JMJD1C: variants seen among roughly 807,000 people sequenced by gnomAD.
JMJD1C encodes the protein jumonji domain containing 1C.
A neutral mutation model predicts 245.3 loss-of-function variants in JMJD1C; 31 were observed. The observed-to-expected ratio is 0.13, with a 90% CI of 0.09 to 0.17. The LOEUF is 0.17. Among genes scored for constraint, JMJD1C ranks in the 10% least tolerant of loss-of-function variants. JMJD1C has a pLI of 1.00. For missense variants in JMJD1C, 2,691 were observed against 3,000.2 expected (o/e 0.90, Z 2.41); for synonymous variants, 1,057 against 1,017.4 (o/e 1.04, Z -0.74).
chr10:63,353,872 C>T (rs1354337321), intron 2 of JMJD1C, among the ~76,000 whole-genome samples: 2 of 149,418 alleles, frequency 1.3e-5, no homozygotes, highest in Admixed American at 6.7e-5. Flanking sequence ...GATGGAGTCT[C>T]GCTTGGTAGC....
At chr10:63,508,928 T>A (rs540089918) in intron 1 of JMJD1C, among the ~76,000 whole-genome samples, 34 of 152,354 alleles carry the variant, frequency 2.2e-4, no homozygotes, top group Admixed American at 2.1e-3. Context: ...TTTATTTCCA[T>A]TTTTTGTCTT....
intron 1 of JMJD1C, among the ~76,000 whole-genome samples, chr10:63,459,471 T>C (rs145812900): frequency 6.6e-4 from 101 of 152,354 alleles, no homozygotes; most frequent in African/African-American, 2.2e-3. Flanking sequence ...TGAGGAGTTA[T>C]GGCACACTTC....
rs1182968543 is a variant in JMJD1C, at chr10:63,264,553, G to C, written c.447+98C>G. ...GGGTTTTTCACACAACTAGAAGTTA[G>C]ATGAAATGATATTTAAAGAATATTG... On this transcript the variant is annotated intron_variant, in intron 3 of 25. Coordinates refer to ENST00000399262, the MANE Select transcript of JMJD1C (RefSeq NM_032776.3). 8 of 606,322 alleles carry C rather than the reference G, an allele frequency of 1.3e-5. No homozygotes were observed. The East Asian group carries it at 2.4e-4, about 18-fold the overall frequency. The allele number at this position is 606,322 out of a possible 1,614,324, so 37.6% of individuals were successfully genotyped here.
intron 3 of JMJD1C, among the ~76,000 whole-genome samples, chr10:63,227,807 T>C (rs1392488121): frequency 6.6e-6 from 1 of 152,242 alleles, no homozygotes; most frequent in East Asian, 1.9e-4. Context: ...CATAAATTCA[T>C]GGTTTAGCAA....
At chr10:63,356,244 C>A (rs1055693622) in intron 2 of JMJD1C, among the ~76,000 whole-genome samples, 1 of 152,120 alleles carries the variant, frequency 6.6e-6, no homozygotes, top group African/African-American at 2.4e-5. Context: ...ACAAACTTTA[C>A]CTACAAACAC....
intron 8 of JMJD1C, among the ~76,000 whole-genome samples, chr10:63,210,130 A>G (rs1443422745): frequency 2.7e-5 from 4 of 145,832 alleles, no homozygotes; most frequent in Non-Finnish European, 4.4e-5. Context: ...AACCCCACAT[A>G]AGAGAAAAAT....
At chr10:63,313,562 G>T (rs961525164) in intron 2 of JMJD1C, among the ~76,000 whole-genome samples, 5 of 152,180 alleles carry the variant, frequency 3.3e-5, no homozygotes, top group African/African-American at 1.2e-4. Flanking sequence ...CCCACCAGCG[G>T]TGTAAGAATG....
chr10:63,345,957 C>T lies in JMJD1C; in HGVS notation c.333+34361G>A, dbSNP rs79151008. On this transcript the variant is annotated intron_variant, in intron 2 of 25. Coordinates refer to ENST00000399262, the MANE Select transcript of JMJD1C (RefSeq NM_032776.3). The stretch of plus-strand genomic sequence containing the variant: ...AAAGGAAACAGACCCAACTCTTAAC[C>T]GTGGTTAACTTTAAAAAAAATTAAA... Among the ~76,000 whole-genome samples the T allele has an allele frequency of 2.5e-4, 38 of 152,114 alleles. No individual in the cohort carries two copies. In the South Asian group the frequency reaches 6.2e-3, roughly 25 times the overall value.
intron 1 of JMJD1C, among the ~76,000 whole-genome samples, chr10:63,406,689 TA>T (rs1949191721): frequency 6.6e-6 from 1 of 151,708 alleles, no homozygotes; most frequent in African/African-American, 2.4e-5. Context: ...AGGAATAAAA[TA>T]AAAAAATAAA....
intron 1 of JMJD1C, among the ~76,000 whole-genome samples, chr10:63,444,769 G>A (rs937662164): frequency 5.3e-5 from 8 of 151,998 alleles, no homozygotes; most frequent in African/African-American, 1.9e-4. Context: ...GGCATTACAG[G>A]TGCCCACCAC....
chr10:63,186,729 C>T (rs886225128), intron 18 of JMJD1C, among the ~76,000 whole-genome samples: 3 of 152,078 alleles, frequency 2.0e-5, no homozygotes, highest in African/African-American at 4.8e-5. Flanking sequence ...ACGCAGAAAC[C>T]AGTAATGGAA....
In JMJD1C at chr10:63,202,824, T is replaced by C. The variant is rs1007661608; in HGVS notation, c.5075-2147A>G. 3.8e-5 allele frequency: 37 copies of C among 982,966 alleles called. 1 individual carries two copies. In the South Asian group the frequency reaches 6.6e-4, roughly 18 times the overall value. 60.9% of individuals were successfully genotyped at this position (982,966 alleles called of 1,614,324 possible). ...AGCTTTTACAAGTTGGAATGAATGA[T>C]AGAATTGTTATACTGCTGATAAATT... On this transcript the variant is annotated intron_variant, in intron 10 of 25. Transcript: ENST00000399262.
At chr10:63,445,007 G>A (rs886286347) in intron 1 of JMJD1C, among the ~76,000 whole-genome samples, 36 of 152,026 alleles carry the variant, frequency 2.4e-4, no homozygotes, top group Non-Finnish European at 4.9e-4. Context: ...TGAAAGGATC[G>A]CTTGAGGCCA....
chr10:63,267,257 A>G (rs1402573161), intron 2 of JMJD1C, among the ~76,000 whole-genome samples: 6 of 152,180 alleles, frequency 3.9e-5, no homozygotes, highest in Admixed American at 3.9e-4. Context: ...TGACTGCTCT[A>G]CTTTAAGGAA....
intron 2 of JMJD1C, among the ~76,000 whole-genome samples, chr10:63,286,552 A>G (rs945896568): frequency 9.2e-5 from 14 of 152,232 alleles, no homozygotes; most frequent in African/African-American, 3.4e-4. Flanking sequence ...CAGGAACCAC[A>G]GGACCTTTAA....
At chr10:63,307,522 A>G (rs564235213) in intron 2 of JMJD1C, among the ~76,000 whole-genome samples, 62 of 152,304 alleles carry the variant, frequency 4.1e-4, no homozygotes, top group African/African-American at 1.4e-3. Context: ...CAGAAAAAGC[A>G]ACGGCAATTT....
intron 1 of JMJD1C, among the ~76,000 whole-genome samples, chr10:63,387,019 C>A (rs969500198): frequency 6.6e-6 from 1 of 152,160 alleles, no homozygotes; most frequent in Non-Finnish European, 1.5e-5. Flanking sequence ...CATTAAGAAC[C>A]ACCCACTAAA....
intron 1 of JMJD1C, among the ~76,000 whole-genome samples, chr10:63,501,180 T>C (rs1564973709): frequency 6.6e-6 from 1 of 152,166 alleles, no homozygotes; most frequent in Non-Finnish European, 1.5e-5. Context: ...GTCCATATTA[T>C]CAGCTCATTT....
rs1033776616 is a variant in JMJD1C, at chr10:63,489,926, G to A, written n.113+31812C>T. 3.3e-5 allele frequency among the ~76,000 whole-genome samples: 5 copies of A among 152,178 alleles called. No homozygotes were observed. In the South Asian group the frequency reaches 1.0e-3, roughly 32 times the overall value. On this transcript the variant is annotated intron_variant and non_coding_transcript_variant, in intron 1 of 3. Coordinates refer to the JMJD1C transcript ENST00000633035. The stretch of plus-strand genomic sequence containing the variant: ...CAGGAGGTGAGCTGCCTGTGAGGGC[G>A]CATTATCTAGCCTGAGCTCTGCCTC...
Sources: gnomAD v4.1 joint callset for allele counts (sites outside exome capture counted in the v4.1 genomes callset) on GRCh38, gnomAD v4.1.1 for gene constraint, MANE v1.5 for transcripts, NCBI Gene and HGNC (gene_info 2026-07-23, HGNC 2026-07-21) for gene names.